The following ZNF483 variants were observed in gnomAD, a reference collection of about 807,000 sequenced individuals.
The protein encoded by ZNF483 is zinc finger protein 483.
ZNF483 carries 9 observed loss-of-function variants against 28.6 expected under a neutral mutation model. That is an observed-to-expected ratio of 0.32 (90% CI 0.19 to 0.55). The LOEUF is 0.55. Ranked by LOEUF, ZNF483 falls within the 20% of genes least tolerant of loss-of-function variation. The probability of loss-of-function intolerance (pLI) is 0.93; values close to 1 mark genes in which losing one functional copy is unlikely to be tolerated. For synonymous variants in ZNF483, 322 were observed against 306.2 expected, an observed-to-expected ratio of 1.05 and a Z score of -0.54; for missense variants, 675 against 871.7, an observed-to-expected ratio of 0.77 and a Z score of 2.84.
intron 5 of ZNF483, among the ~76,000 whole-genome samples, chr9:111,573,745 C>A (rs1828934560): frequency 6.6e-6 from 1 of 151,996 alleles, no homozygotes; most frequent in Non-Finnish European, 1.5e-5. Flanking sequence ...CTCTCCACAC[C>A]CATAAAATGA....
At chr9:111,574,403 G>A (rs898794512) in intron 5 of ZNF483, 5 of 160,758 alleles carry the variant, frequency 3.1e-5, no homozygotes, top group African/African-American at 9.6e-5. Flanking sequence ...AGGCTGGAGT[G>A]CAGTGGCAGG....
intron 2 of ZNF483, among the ~76,000 whole-genome samples, chr9:111,528,527 C>T (rs901061094): frequency 1.3e-5 from 2 of 151,948 alleles, no homozygotes; most frequent in Non-Finnish European, 2.9e-5. Context: ...GAATGTGGCT[C>T]GCCTTTTTTC....
chr9:111,539,305 C>T (rs10441737), intron 5 of ZNF483: 204,387 of 348,348 alleles, frequency 0.59, 61,437 homozygotes, highest in Non-Finnish European at 0.65. Flanking sequence ...CTATTTATTA[C>T]GCATTAAATT....
chr9:111,530,924 G>C lies in ZNF483; in HGVS notation c.462G>C (p.Glu154Asp), dbSNP rs774500077. 6.4e-7 allele frequency: 1 copy of C among 1,557,140 alleles called. No homozygotes were observed. Among genetic ancestry groups the C allele is most frequent in the South Asian group, 1.2e-5 (1 of 86,186 alleles). Residue 154 changes from glutamate (E) to aspartate (D), a missense_variant, in exon 3 of 6, where the codon GAG becomes GAC. This residue lies in a region of ZNF483 where 525 missense variants were observed against 581.8 expected (regional missense o/e 0.90). Coordinates refer to ENST00000309235, the MANE Select transcript of ZNF483 (RefSeq NM_133464.5). ...TTTCCCAAGAGGAGAACTCAAAAGA[G>C]GATAAAATGGTCACTGTTTGTCCCA... The part of the protein sequence containing the change: ...STVSQEENSK[E>D]DKMVTVCPNT...
chr9:111,542,675 A>G lies in ZNF483; in HGVS notation c.1740A>G (p.Lys580=). ...QRIHTGEKPY[K]CGECGKAFRQ... ...TTCATACTGGAGAGAAACCCTATAA[A>G]TGTGGCGAATGTGGAAAAGCCTTTA... The change falls in exon 6 of 6, where the codon AAA becomes AAG. Residue 580 remains lysine, a synonymous_variant. Coordinates refer to ENST00000309235, the MANE Select transcript of ZNF483 (RefSeq NM_133464.5). This position sits in a 1 kb window ranked among gnomAD's most constrained non-coding sequence, Gnocchi z 6.2. The G allele has an allele frequency of 6.2e-7, 1 of 1,613,942 alleles. No individual in the cohort carries two copies. The highest frequency in any genetic ancestry group is 8.5e-7 in the Non-Finnish European group (1 of 1,179,970).
At chr9:111,569,332 C>A (rs1395528413) in intron 5 of ZNF483, among the ~76,000 whole-genome samples, 2 of 152,064 alleles carry the variant, frequency 1.3e-5, no homozygotes, top group Admixed American at 6.6e-5. Context: ...TGAGGAGGAC[C>A]AATCAGTGAG....
intron 3 of ZNF483, among the ~76,000 whole-genome samples, chr9:111,532,908 CAAAAA>C (rs35437740): frequency 1.2e-5 from 1 of 84,790 alleles, no homozygotes; most frequent in South Asian, 3.4e-4. Context: ...GACTCCGTCT[CAAAAA>C]AAAAAAAAGA....
chr9:111,557,797 T>C (rs1461600903), downstream of ZNF483, among the ~76,000 whole-genome samples: 1 of 152,240 alleles, frequency 6.6e-6, no homozygotes, highest in Non-Finnish European at 1.5e-5. Flanking sequence ...TTCTTCACTT[T>C]AAACAACTTC....
rs142331093 is a variant in ZNF483, at chr9:111,553,368, T to G, written c.*10198T>G. ...TATGCCTTTGTTTAAAATTTAAATA[T>G]TTTTTCATTTTTTTAACCTAGAAAA... On this transcript the variant is annotated 3_prime_UTR_variant, in exon 6 of 6. Coordinates refer to ENST00000309235, the MANE Select transcript of ZNF483 (RefSeq NM_133464.5). 6.6e-6 allele frequency among the ~76,000 whole-genome samples: 1 copy of G among 152,192 alleles called. No homozygotes were observed.
chr9:111,577,664 G>A (rs1319859646), exon 6 of ZNF483: 2 of 152,120 alleles, frequency 1.3e-5, no homozygotes, highest in Non-Finnish European at 2.9e-5. Flanking sequence ...GGGCAACATG[G>A]CGAAACCCCA....
chr9:111,560,473 CAAAA>C (rs752283590), intron 5 of ZNF483, among the ~76,000 whole-genome samples: 2 of 94,308 alleles, frequency 2.1e-5, no homozygotes, highest in African/African-American at 4.2e-5. Context: ...GACTCCATCT[CAAAA>C]AAAAAAAAAA....
rs1827679925 is a variant in ZNF483 at position 111,541,856 on chromosome 9, T to G, written c.921T>G (p.Phe307Leu). The G allele has an allele frequency of 6.2e-7, 1 of 1,613,818 alleles. No homozygotes were observed. The highest frequency in any genetic ancestry group is 1.7e-5 in the Admixed American group (1 of 59,942). The change falls in exon 6 of 6, where the codon TTT (phenylalanine) becomes TTG (leucine). Residue 307 changes from phenylalanine (F) to leucine (L), a missense_variant. Transcript: ENST00000309235. The stretch of plus-strand genomic sequence containing the variant: ...AATTTGACCCAGATAAAAGCCCCTT[T>G]GGACATAATTTCAAAGAAACTTCAG... ...GKKFDPDKSP[F>L]GHNFKETSDL...
intron 5 of ZNF483, among the ~76,000 whole-genome samples, chr9:111,561,149 G>GAC (rs1491555989): frequency 6.3e-5 from 1 of 15,906 alleles, no homozygotes; most frequent in African/African-American, 5.1e-4. Context: ...GAGAGAGAGG[G>GAC]AGAGAGAGAG....
chr9:111,537,367 A>G (rs756391568), intron 5 of ZNF483, among the ~76,000 whole-genome samples: 3 of 151,906 alleles, frequency 2.0e-5, no homozygotes, highest in Non-Finnish European at 2.9e-5. Flanking sequence ...GATTACAGGC[A>G]TGCACCACCA....
rs890441201 is a variant in ZNF483, at chr9:111,554,943, G to A, written c.*11773G>A. On this transcript the variant is annotated 3_prime_UTR_variant, in exon 6 of 6. Coordinates refer to ENST00000309235, the MANE Select transcript of ZNF483 (RefSeq NM_133464.5). ...TTTGCCTTTGGGACCCTAAATGTCA[G>A]TGCCTGTTAATTTTTCTTTGAGAAG... Among the ~76,000 whole-genome samples the A allele has an allele frequency of 1.2e-3, 177 of 152,262 alleles. No homozygotes were observed. The highest frequency in any genetic ancestry group is 4.1e-3 in the African/African-American group (171 of 41,566).
chr9:111,539,581 T>C (rs577795818), intron 5 of ZNF483: 35 of 390,322 alleles, frequency 9.0e-5, no homozygotes, highest in African/African-American at 5.5e-4. Flanking sequence ...CTGACCAACA[T>C]GGAGAAGCCC....
chr9:111,548,287 G>A lies in ZNF483; in HGVS notation c.*5117G>A, dbSNP rs973485028. On this transcript the variant is annotated 3_prime_UTR_variant, in exon 6 of 6. Coordinates refer to ENST00000309235, the MANE Select transcript of ZNF483 (RefSeq NM_133464.5). ...ACATTACAGTCTGTGAACCCCAGGT[G>A]TCTTTCCATGTATTTGTGCCGTCTT... Among the ~76,000 whole-genome samples the A allele has an allele frequency of 6.6e-5, 10 of 152,172 alleles. No homozygotes were observed. Among genetic ancestry groups the A allele is most frequent in the Non-Finnish European group, 1.3e-4 (9 of 68,028 alleles).
chr9:111,570,294 C>T, intron 5 of ZNF483: 1 of 1,500,528 alleles, frequency 6.7e-7, no homozygotes. Flanking sequence ...TGTCACTGTG[C>T]TTGGTGCTGG....
chr9:111,554,815 C>T lies in ZNF483; in HGVS notation c.*11645C>T, dbSNP rs1828073974. Among the ~76,000 whole-genome samples, 1 of 152,096 alleles carries T rather than the reference C, an allele frequency of 6.6e-6. No individual in the cohort carries two copies. Among genetic ancestry groups the T allele is most frequent in the Non-Finnish European group, 1.5e-5 (1 of 68,018 alleles). The stretch of plus-strand genomic sequence containing the variant: ...AGTGAAACTTTGAATAAGGGGAGAC[C>T]ACTGTATTTTACCCAAGGGAGACAA... On this transcript the variant is annotated 3_prime_UTR_variant, in exon 6 of 6. Transcript: ENST00000309235.
Sources: gnomAD v4.1 joint callset for allele counts (sites outside exome capture counted in the v4.1 genomes callset) on GRCh38, gnomAD v4.1.1 for gene constraint, gnomAD v4.1.1 regional missense constraint, Gnocchi (gnomAD v3.1) non-coding constraint, MANE v1.5 for transcripts, NCBI Gene and HGNC (gene_info 2026-07-23, HGNC 2026-07-21) for gene names.